OSBPL10: variants seen among roughly 807,000 people sequenced by gnomAD.
OSBPL10 encodes the protein oxysterol binding protein like 10, also known as oxysterol-binding protein-related protein 10.
Under a neutral mutation model 81.7 loss-of-function variants are expected in OSBPL10, and 49 were observed. The ratio of observed to expected loss-of-function variants is 0.60; its 90% confidence interval spans 0.48 to 0.76. The LOEUF (loss-of-function observed/expected upper bound fraction) is 0.76, where lower values mean the gene tolerates loss of function less well. Among genes scored for constraint, OSBPL10 ranks in the 30% least tolerant of loss-of-function variants. OSBPL10 has a pLI of 0.00. For missense variants in OSBPL10, 923 were observed against 987.8 expected (o/e 0.93, Z 0.88); for synonymous variants, 419 against 383.6 (o/e 1.09, Z -1.08).
At chr3:31,959,714 C>T (rs1318921516) in intron 1 of OSBPL10, among the ~76,000 whole-genome samples, 1 of 152,148 alleles carries the variant, frequency 6.6e-6, no homozygotes, top group Non-Finnish European at 1.5e-5. Context: ...GTTTCTTGTT[C>T]TAACTCAGCG....
chr3:31,919,651 A>G (rs1256912834), intron 1 of OSBPL10, among the ~76,000 whole-genome samples: 3 of 152,216 alleles, frequency 2.0e-5, no homozygotes, highest in Non-Finnish European at 4.4e-5. Context: ...TCACCCAATC[A>G]TATCACCAGA....
intron 1 of OSBPL10, among the ~76,000 whole-genome samples, chr3:31,894,208 C>A (rs1041949578): frequency 6.6e-6 from 1 of 152,016 alleles, no homozygotes; most frequent in Non-Finnish European, 1.5e-5. Flanking sequence ...CAGGAGCGGT[C>A]GGAGTTGGAG....
chr3:31,679,978 G>T (rs1181266656), intron 8 of OSBPL10, among the ~76,000 whole-genome samples: 1 of 152,140 alleles, frequency 6.6e-6, no homozygotes, highest in Non-Finnish European at 1.5e-5. Context: ...GGAGCTCTTA[G>T]TTCACACAAC....
intron 4 of OSBPL10, among the ~76,000 whole-genome samples, chr3:31,750,451 T>C (rs970854691): frequency 4.6e-5 from 7 of 152,202 alleles, no homozygotes. Flanking sequence ...TTTATGACAC[T>C]CTACAGAATA....
chr3:32,000,363 A>T (rs1699133392), intron 2 of OSBPL10, among the ~76,000 whole-genome samples: 1 of 152,208 alleles, frequency 6.6e-6, no homozygotes, highest in Non-Finnish European at 1.5e-5. Context: ...GTTTAGGATC[A>T]GACTGCCTCC....
chr3:31,826,841 C>T (rs571687849), intron 4 of OSBPL10, among the ~76,000 whole-genome samples: 3 of 152,242 alleles, frequency 2.0e-5, no homozygotes, highest in East Asian at 1.9e-4. Flanking sequence ...TACTCATCTC[C>T]CATCAGGAGT....
chr3:31,998,994 A>G (rs972762701), intron 2 of OSBPL10, among the ~76,000 whole-genome samples: 1 of 152,258 alleles, frequency 6.6e-6, no homozygotes, highest in Non-Finnish European at 1.5e-5. Context: ...AAGGTCGAAG[A>G]AGATGTGTAA....
intron 3 of OSBPL10, among the ~76,000 whole-genome samples, chr3:31,868,236 A>G (rs1245448000): frequency 6.6e-6 from 1 of 152,172 alleles, no homozygotes; most frequent in Non-Finnish European, 1.5e-5. Flanking sequence ...AATGTTTTAT[A>G]TGGCATATAG....
chr3:31,943,528 C>T (rs1032649678), intron 1 of OSBPL10, among the ~76,000 whole-genome samples: 5 of 152,130 alleles, frequency 3.3e-5, no homozygotes, highest in Non-Finnish European at 7.3e-5. Context: ...CAGAGAAAGT[C>T]GCTGTTAATA....
chr3:31,681,254 C>G (rs1575471787), intron 8 of OSBPL10, among the ~76,000 whole-genome samples: 1 of 152,152 alleles, frequency 6.6e-6, no homozygotes, highest in Non-Finnish European at 1.5e-5. Context: ...AAGGAAGACC[C>G]CAGTGAAGGC....
intron 3 of OSBPL10, among the ~76,000 whole-genome samples, chr3:31,854,135 G>A (rs1700845144): frequency 1.6e-5 from 2 of 127,640 alleles, no homozygotes; most frequent in African/African-American, 5.7e-5. Flanking sequence ...TTATATCTCA[G>A]TAAAGTTTTT....
At chr3:31,700,910 A>C (rs940353395) in intron 7 of OSBPL10, among the ~76,000 whole-genome samples, 2 of 152,186 alleles carry the variant, frequency 1.3e-5, no homozygotes, top group African/African-American at 2.4e-5. Flanking sequence ...TTGGTGTGCA[A>C]AACAGAAGCA....
At chr3:31,752,010 T>G (rs1168156204) in intron 4 of OSBPL10, among the ~76,000 whole-genome samples, 2 of 152,114 alleles carry the variant, frequency 1.3e-5, no homozygotes, top group East Asian at 3.9e-4. Flanking sequence ...TGTCCATCTC[T>G]CTCTCATTTT....
At chr3:31,787,272 G>A (rs2125784289) in intron 4 of OSBPL10, among the ~76,000 whole-genome samples, 1 of 152,210 alleles carries the variant, frequency 6.6e-6, no homozygotes, top group South Asian at 2.1e-4. Context: ...ACTACAAAAG[G>A]TCTGGTCCTT....
chr3:31,885,318 C>A (rs1695702819), intron 1 of OSBPL10, among the ~76,000 whole-genome samples: 1 of 152,180 alleles, frequency 6.6e-6, no homozygotes, highest in Non-Finnish European at 1.5e-5. Flanking sequence ...CTCATGCACA[C>A]TTGCACAACT....
At chr3:31,848,039 C>A (rs1047608672) in intron 3 of OSBPL10, among the ~76,000 whole-genome samples, 8 of 152,156 alleles carry the variant, frequency 5.3e-5, no homozygotes, top group African/African-American at 1.7e-4. Context: ...CTGAGCCTAC[C>A]TGGAGCGGAG....
At chr3:31,912,634 A>G (rs990950581) in intron 1 of OSBPL10, among the ~76,000 whole-genome samples, 4 of 152,198 alleles carry the variant, frequency 2.6e-5, no homozygotes, top group African/African-American at 9.7e-5. Flanking sequence ...TATTTTGAGC[A>G]TGTCTCTCCT....
At chr3:31,683,005 GTGACT>G (rs939876885) in intron 8 of OSBPL10, among the ~76,000 whole-genome samples, 19 of 152,134 alleles carry the variant, frequency 1.2e-4, no homozygotes, top group African/African-American at 4.6e-4. Flanking sequence ...GAAGAGATTT[GTGACT>G]CAAAAAAAAG....
intron 1 of OSBPL10, among the ~76,000 whole-genome samples, chr3:31,887,050 T>C (rs947755682): frequency 6.6e-6 from 1 of 151,728 alleles, no homozygotes; most frequent in African/African-American, 2.4e-5. Flanking sequence ...ACTGAGACCC[T>C]CCCTACCCTC....
Sources: gnomAD v4.1 joint callset for allele counts (sites outside exome capture counted in the v4.1 genomes callset) on GRCh38, gnomAD v4.1.1 for gene constraint, MANE v1.5 for transcripts, NCBI Gene and HGNC (gene_info 2026-07-23, HGNC 2026-07-21) for gene names.